KDM7A: variants seen among roughly 807,000 people sequenced by gnomAD.
KDM7A encodes lysine-specific demethylase 7A.
KDM7A carries 28 observed loss-of-function variants against 114.8 expected under a neutral mutation model. The ratio of observed to expected loss-of-function variants is 0.24; its 90% confidence interval spans 0.18 to 0.33. The LOEUF (loss-of-function observed/expected upper bound fraction) is 0.33. Ranked by LOEUF, KDM7A falls within the 10% of genes least tolerant of loss-of-function variation. KDM7A has a pLI of 1.00. For missense variants in KDM7A, 942 were observed against 1,142.5 expected (o/e 0.82, Z 2.53); for synonymous variants, 423 against 397.8 (o/e 1.06, Z -0.75).
At chr7:140,103,763 A>G (rs951028337) in intron 11 of KDM7A, among the ~76,000 whole-genome samples, 21 of 152,232 alleles carry the variant, frequency 1.4e-4, no homozygotes, top group African/African-American at 5.1e-4. Flanking sequence ...TAGTGCCACA[A>G]TAAACATACG....
rs1483069986 is a variant in KDM7A at position 140,087,152 on chromosome 7, C to T, written c.*3942G>A. Reference sequence around the variant, plus strand: ...TCTTTGTGCATTCTCACCTTTCTAACCACCTCATTCTCCCCACAAGTTCCC... The same window carrying T: ...TCTTTGTGCATTCTCACCTTTCTAATCACCTCATTCTCCCCACAAGTTCCC... On this transcript the variant is annotated 3_prime_UTR_variant, in exon 20 of 20. Coordinates refer to ENST00000397560, the MANE Select transcript of KDM7A (RefSeq NM_030647.2). 1 of 152,184 alleles carries T rather than the reference C, an allele frequency of 6.6e-6. No individual in the cohort carries two copies. The highest frequency in any genetic ancestry group is 1.5e-5 in the Non-Finnish European group (1 of 68,038). 9.4% of individuals were successfully genotyped at this position (152,184 alleles called of 1,614,324 possible).
At chr7:140,137,718 T>C (rs1179324476) in intron 2 of KDM7A, among the ~76,000 whole-genome samples, 1 of 152,248 alleles carries the variant, frequency 6.6e-6, no homozygotes, top group Non-Finnish European at 1.5e-5. Context: ...TTTTAATGTA[T>C]GCAGGTAGCT....
chr7:140,128,213 C>T (rs762090120), intron 4 of KDM7A, among the ~76,000 whole-genome samples: 3 of 152,142 alleles, frequency 2.0e-5, no homozygotes, highest in Non-Finnish European at 4.4e-5. Context: ...TTACAGTTTT[C>T]GTATAAACCC....
intron 1 of KDM7A, among the ~76,000 whole-genome samples, chr7:140,160,042 GATAAT>G (rs2116847543): frequency 6.7e-6 from 1 of 148,772 alleles, no homozygotes; most frequent in Non-Finnish European, 1.5e-5. Flanking sequence ...ACACATTTTA[GATAAT>G]ATTTTTTATT....
intron 1 of KDM7A, among the ~76,000 whole-genome samples, chr7:140,153,146 T>C (rs569075405): frequency 6.6e-6 from 1 of 151,916 alleles, no homozygotes; most frequent in African/African-American, 2.4e-5. Context: ...TAATTCTTAA[T>C]TTCCACTAAA....
intron 3 of KDM7A, among the ~76,000 whole-genome samples, chr7:140,132,038 T>A (rs562933379): frequency 6.6e-6 from 1 of 152,244 alleles, no homozygotes; most frequent in South Asian, 2.1e-4. Context: ...TATCCATACA[T>A]CCATATACAT....
chr7:140,139,542 TAATACAATATGAC>T (rs1794233708), intron 1 of KDM7A, among the ~76,000 whole-genome samples: 1 of 152,008 alleles, frequency 6.6e-6, no homozygotes, highest in South Asian at 2.1e-4. Flanking sequence ...TGAACAATGA[TAATACAATATGAC>T]AAAATTTGTG....
At chr7:140,148,991 A>G (rs1359031546) in intron 1 of KDM7A, among the ~76,000 whole-genome samples, 2 of 152,134 alleles carry the variant, frequency 1.3e-5, no homozygotes, top group African/African-American at 4.8e-5. Context: ...ATCATCTCTT[A>G]AGGTTCACTT....
intron 12 of KDM7A, among the ~76,000 whole-genome samples, chr7:140,100,660 T>TTATATATATATATATACATATA (rs1818185180): frequency 2.7e-5 from 3 of 111,300 alleles, no homozygotes; most frequent in Non-Finnish European, 1.8e-5. Flanking sequence ...TTTTAAAAAG[T>TTATATATATATATATACATATA]TATATATATA....
intron 1 of KDM7A, among the ~76,000 whole-genome samples, chr7:140,159,699 G>C (rs1375310624): frequency 6.6e-6 from 1 of 152,090 alleles, no homozygotes; most frequent in Non-Finnish European, 1.5e-5. Flanking sequence ...CACATCCCTG[G>C]AACAGGCAAT....
At chr7:140,164,993 A>G (rs1333121609) in intron 1 of KDM7A, among the ~76,000 whole-genome samples, 1 of 152,228 alleles carries the variant, frequency 6.6e-6, no homozygotes, top group Admixed American at 6.5e-5. Context: ...GATTTCCACC[A>G]ACAATGCCAT....
intron 2 of KDM7A, among the ~76,000 whole-genome samples, chr7:140,135,991 C>G (rs1328372252): frequency 6.6e-6 from 1 of 151,978 alleles, no homozygotes; most frequent in Non-Finnish European, 1.5e-5. Context: ...ACATGGTCTC[C>G]CTCTGTCACC....
rs1794707617 is a variant in KDM7A, at chr7:140,176,355, G to A, written c.194+389C>T. ...TCCGGCCGGAGCCCCGGGCGCGGCG[G>A]GGCGGGGCGGGGCGGCGGCGGCCCG... On this transcript the variant is annotated intron_variant, in intron 1 of 19. Coordinates refer to ENST00000397560, the MANE Select transcript of KDM7A (RefSeq NM_030647.2). The surrounding 1 kb of genome is among the most constrained non-coding windows in gnomAD (Gnocchi z 4.4). Among the ~76,000 whole-genome samples, 2 of 144,500 alleles carry A rather than the reference G, an allele frequency of 1.4e-5. No individual in the cohort carries two copies. Among genetic ancestry groups the A allele is most frequent in the African/African-American group, 4.9e-5 (2 of 40,548 alleles). The allele number at this position is 144,500 out of a possible 152,430, so 94.8% of individuals were successfully genotyped here.
chr7:140,118,718 G>C (rs1337923750), intron 9 of KDM7A, among the ~76,000 whole-genome samples: 1 of 151,866 alleles, frequency 6.6e-6, no homozygotes, highest in East Asian at 1.9e-4. Context: ...GCCCAGCCTA[G>C]TTTGCTTTTT....
At chr7:140,128,978 G>A (rs1463080630) in intron 4 of KDM7A, among the ~76,000 whole-genome samples, 1 of 152,178 alleles carries the variant, frequency 6.6e-6, no homozygotes, top group Non-Finnish European at 1.5e-5. Context: ...ATTAAGTCCA[G>A]ACATCATTAA....
intron 10 of KDM7A, 84 bp downstream of exon 10, chr7:140,113,407 A>G (rs1818464683): frequency 1.4e-6 from 1 of 719,868 alleles, no homozygotes; most frequent in African/African-American, 1.8e-5. Context: ...TGGCATTCAC[A>G]CGTGCTGCCA....
chr7:140,093,877 A>AC (rs1818062401), intron 18 of KDM7A, among the ~76,000 whole-genome samples, 179 bp downstream of exon 18: 1 of 152,044 alleles, frequency 6.6e-6, no homozygotes, highest in Non-Finnish European at 1.5e-5. Context: ...GCCTTATGTT[A>AC]GTTATCATTT....
intron 17 of KDM7A, among the ~76,000 whole-genome samples, chr7:140,095,951 A>G (rs919350853): frequency 6.6e-6 from 1 of 152,180 alleles, no homozygotes; most frequent in African/African-American, 2.4e-5. Flanking sequence ...TATACAATTG[A>G]TAATTATGTA....
chr7:140,165,252 A>C (rs1794561404), intron 1 of KDM7A, among the ~76,000 whole-genome samples: 1 of 152,102 alleles, frequency 6.6e-6, no homozygotes, highest in Non-Finnish European at 1.5e-5. Context: ...ATATTTGCTG[A>C]TTTTCTTTTA....
Sources: gnomAD v4.1 joint callset for allele counts (sites outside exome capture counted in the v4.1 genomes callset) on GRCh38, gnomAD v4.1.1 for gene constraint, Gnocchi (gnomAD v3.1) non-coding constraint, MANE v1.5 for transcripts, NCBI Gene and HGNC (gene_info 2026-07-23, HGNC 2026-07-21) for gene names.